The following GABRB1 variants were observed in gnomAD, a reference collection of about 807,000 sequenced individuals.
The protein encoded by GABRB1 is gamma-aminobutyric acid type A receptor subunit beta1.
Under a neutral mutation model 51.6 loss-of-function variants are expected in GABRB1, and 17 were observed. That is an observed-to-expected ratio of 0.33 (90% CI 0.23 to 0.49). GABRB1 has a LOEUF of 0.49. GABRB1 is among the 20% of genes least tolerant of loss of function. The pLI, the probability that GABRB1 is intolerant of heterozygous loss-of-function variation, is 0.99. For missense variants in GABRB1, 410 were observed against 600.6 expected, an observed-to-expected ratio of 0.68 and a Z score of 3.32; for synonymous variants, 247 against 218.9, an observed-to-expected ratio of 1.13 and a Z score of -1.14.
chr4:47,305,471 T>G (rs1047215221), intron 4 of GABRB1, among the ~76,000 whole-genome samples: 1 of 152,126 alleles, frequency 6.6e-6, no homozygotes. Context: ...GTTTCCTTAG[T>G]TTCCATATTA....
intron 8 of GABRB1, among the ~76,000 whole-genome samples, chr4:47,421,808 T>C (rs747523730): frequency 2.0e-5 from 3 of 152,094 alleles, no homozygotes; most frequent in Admixed American, 6.5e-5. Flanking sequence ...AACTTGTCCC[T>C]CCCAATATTA....
At chr4:47,143,798 A>T (rs1717035171) in intron 3 of GABRB1, among the ~76,000 whole-genome samples, 1 of 151,872 alleles carries the variant, frequency 6.6e-6, no homozygotes, top group African/African-American at 2.4e-5. Flanking sequence ...TGCTTAATAC[A>T]TGTCAGGCCT....
At chr4:47,101,674 C>T (rs916945975) in intron 3 of GABRB1, among the ~76,000 whole-genome samples, 1 of 152,024 alleles carries the variant, frequency 6.6e-6, no homozygotes, top group Non-Finnish European at 1.5e-5. Flanking sequence ...TGTTTATGTT[C>T]TGCTTTCTGT....
intron 4 of GABRB1, among the ~76,000 whole-genome samples, chr4:47,280,814 ATTTTT>A (rs750413197): frequency 1.6e-5 from 2 of 124,984 alleles, no homozygotes; most frequent in Non-Finnish European, 3.4e-5. Flanking sequence ...TGTCTGGCTA[ATTTTT>A]TTTTTTTTTT....
At chr4:47,074,345 A>T (rs2109552250) in intron 3 of GABRB1, among the ~76,000 whole-genome samples, 1 of 152,346 alleles carries the variant, frequency 6.6e-6, no homozygotes, top group East Asian at 1.9e-4. Context: ...AGCTTTTTGA[A>T]AATAGATCCT....
intron 4 of GABRB1, among the ~76,000 whole-genome samples, chr4:47,250,957 TATTTCTTGGTTTGG>T (rs1344029842): frequency 1.3e-5 from 2 of 152,120 alleles, no homozygotes; most frequent in African/African-American, 4.8e-5. Context: ...GTAAATCAGG[TATTTCTTGGTTTGG>T]ATCCATTGCT....
intron 1 of GABRB1, among the ~76,000 whole-genome samples, chr4:47,016,737 G>T (rs1237765377): frequency 6.6e-6 from 1 of 151,804 alleles, no homozygotes; most frequent in Admixed American, 6.6e-5. Context: ...TACAGGCGCC[G>T]ACCACCATGC....
intron 4 of GABRB1, among the ~76,000 whole-genome samples, chr4:47,249,427 T>A (rs560236284): frequency 2.2e-4 from 34 of 152,286 alleles, no homozygotes; most frequent in African/African-American, 7.7e-4. Flanking sequence ...TTATGACCTA[T>A]CATGTGGTCT....
intron 4 of GABRB1, among the ~76,000 whole-genome samples, chr4:47,300,968 C>G (rs1724237578): frequency 6.6e-6 from 1 of 152,086 alleles, no homozygotes; most frequent in African/African-American, 2.4e-5. Context: ...AACCTGTTAG[C>G]CATTTGTATA....
chr4:47,325,434 CAA>C (rs5858063), intron 5 of GABRB1, among the ~76,000 whole-genome samples: 2 of 142,054 alleles, frequency 1.4e-5, no homozygotes, highest in Admixed American at 7.0e-5. Flanking sequence ...GACTCCATCT[CAA>C]AAAAAAAAAA....
intron 4 of GABRB1, among the ~76,000 whole-genome samples, chr4:47,217,494 C>T (rs760141203): frequency 6.6e-6 from 1 of 151,686 alleles, no homozygotes; most frequent in Non-Finnish European, 1.5e-5. Context: ...AACGTATCTA[C>T]CTGTTCATGC....
intron 4 of GABRB1, among the ~76,000 whole-genome samples, chr4:47,164,916 C>CCTT (rs1718109265): frequency 6.6e-6 from 1 of 151,978 alleles, no homozygotes; most frequent in Non-Finnish European, 1.5e-5. Flanking sequence ...TGCCTCTTGC[C>CCTT]CTTAGGTCAC....
At position 47,237,398 on chromosome 4, in the gene GABRB1, A is replaced by G. The variant is rs60466403; in HGVS notation, c.461+75929A>G. Among the ~76,000 whole-genome samples, 1,183 of 152,182 alleles carry G rather than the reference A, an allele frequency of 7.8e-3. 13 individuals carry two copies. The highest frequency in any genetic ancestry group is 0.027 in the African/African-American group (1,114 of 41,576). On this transcript the variant is annotated intron_variant, in intron 4 of 8. Coordinates refer to ENST00000295454, the MANE Select transcript of GABRB1 (RefSeq NM_000812.4). ...AGGAAATAACCCTTCACTGAAGGAG[A>G]GAAACATGCAAAGTATTGACTACCA...
chr4:47,406,114 A>G (rs1347184418), intron 7 of GABRB1, among the ~76,000 whole-genome samples: 1 of 150,132 alleles, frequency 6.7e-6, no homozygotes, highest in Admixed American at 6.6e-5. Flanking sequence ...ACAAATTATG[A>G]CATTTCTCAT....
At chr4:47,221,104 G>T (rs1005737498) in intron 4 of GABRB1, among the ~76,000 whole-genome samples, 3 of 151,886 alleles carry the variant, frequency 2.0e-5, no homozygotes, top group East Asian at 1.9e-4. Flanking sequence ...TCTTACAAAA[G>T]AAATTTTATT....
At chr4:47,096,679 G>A (rs1301860046) in intron 3 of GABRB1, among the ~76,000 whole-genome samples, 2 of 152,188 alleles carry the variant, frequency 1.3e-5, no homozygotes, top group East Asian at 3.9e-4. Context: ...TTTCCCAGAT[G>A]TGGTAAGAAG....
At chr4:47,154,257 G>GTT (rs66516518) in intron 3 of GABRB1, among the ~76,000 whole-genome samples, 19,689 of 137,242 alleles carry the variant, frequency 0.14, 1,896 homozygotes, top group East Asian at 0.35. Flanking sequence ...AATTATGGTT[G>GTT]TTTTTTTTTT....
intron 5 of GABRB1, among the ~76,000 whole-genome samples, chr4:47,379,842 T>G (rs557207948): frequency 1.3e-5 from 2 of 152,324 alleles, no homozygotes; most frequent in South Asian, 4.1e-4. Flanking sequence ...GGAAACAGAC[T>G]AATACTGCCC....
At chr4:47,144,235 G>C (rs557146662) in intron 3 of GABRB1, among the ~76,000 whole-genome samples, 1 of 151,978 alleles carries the variant, frequency 6.6e-6, no homozygotes, top group Non-Finnish European at 1.5e-5. Flanking sequence ...TTAGGAGGTA[G>C]CTATTTTCCT....
Sources: gnomAD v4.1 joint callset for allele counts (sites outside exome capture counted in the v4.1 genomes callset) on GRCh38, gnomAD v4.1.1 for gene constraint, MANE v1.5 for transcripts, NCBI Gene and HGNC (gene_info 2026-07-23, HGNC 2026-07-21) for gene names.